The following THSD4 variants were observed in gnomAD, a reference collection of about 807,000 sequenced individuals.
The protein encoded by THSD4 is thrombospondin type-1 domain-containing protein 4.
THSD4 carries 69 observed loss-of-function variants against 119.0 expected under a neutral mutation model. The observed-to-expected ratio is 0.58, with a 90% confidence interval of 0.48 to 0.71. THSD4 has a LOEUF of 0.71. Ranked by LOEUF, THSD4 falls within the 30% of genes least tolerant of loss-of-function variation. THSD4 has a pLI of 0.00. For missense variants in THSD4, 1,393 were observed against 1,391.1 expected (o/e 1.00, Z -0.02); for synonymous variants, 524 against 540.4 (o/e 0.97, Z 0.42).
chr15:71,292,033 T>C (rs953284114), intron 6 of THSD4, among the ~76,000 whole-genome samples: 3 of 152,246 alleles, frequency 2.0e-5, no homozygotes, highest in Non-Finnish European at 2.9e-5. Flanking sequence ...AGCTTCTGCA[T>C]ATCTAAAATG....
At chr15:71,233,368 G>T (rs1490331264) in intron 4 of THSD4, among the ~76,000 whole-genome samples, 2 of 152,140 alleles carry the variant, frequency 1.3e-5, no homozygotes. Context: ...GCCTCACTGG[G>T]TCTACTGCCC....
intron 8 of THSD4, among the ~76,000 whole-genome samples, chr15:71,725,511 T>C (rs553153511): frequency 2.6e-5 from 4 of 152,180 alleles, no homozygotes; most frequent in African/African-American, 9.6e-5. Context: ...TAGAGAAAGA[T>C]GAGACAGAAA....
At chr15:71,249,017 G>C (rs894923129) in intron 5 of THSD4, among the ~76,000 whole-genome samples, 3 of 152,116 alleles carry the variant, frequency 2.0e-5, no homozygotes, top group Non-Finnish European at 4.4e-5. Flanking sequence ...ATATGTGCGA[G>C]TATCAGTGTT....
At chr15:71,384,964 A>G (rs1596387811) in intron 6 of THSD4, among the ~76,000 whole-genome samples, 2 of 152,336 alleles carry the variant, frequency 1.3e-5, no homozygotes, top group South Asian at 4.1e-4. Context: ...TGCAAGAAAA[A>G]GAAATGATGA....
At chr15:71,547,954 C>G (rs2048864566) in intron 7 of THSD4, among the ~76,000 whole-genome samples, 1 of 151,298 alleles carries the variant, frequency 6.6e-6, no homozygotes, top group South Asian at 2.1e-4. Context: ...CTGTGCTTAA[C>G]TTTCTATCAT....
Position 71,567,600 on chromosome 15 carries a change from C to CACA in THSD4, c.1153-92930_1153-92929insACA, listed in dbSNP as rs1555427634. On this transcript the variant is annotated intron_variant, in intron 7 of 17. Coordinates refer to ENST00000261862, the MANE Select transcript of THSD4 (RefSeq NM_024817.3). ...CTCCTGGACAAGAACAAAGACACCC[C>CACA]CCCACACACACACACACACACATGA... Among the ~76,000 whole-genome samples, 445 of 138,124 alleles carry CACA rather than the reference C, an allele frequency of 3.2e-3. 4 individuals carry two copies. The highest frequency in any genetic ancestry group is 0.011 in the African/African-American group (431 of 40,714). 90.6% of individuals were successfully genotyped at this position (138,124 alleles called of 152,430 possible).
intron 4 of THSD4, among the ~76,000 whole-genome samples, chr15:71,217,614 C>A: frequency 6.7e-6 from 1 of 148,718 alleles, no homozygotes. Flanking sequence ...CAGAGAGAGA[C>A]TCCGTCTCAA....
intron 6 of THSD4, among the ~76,000 whole-genome samples, chr15:71,312,425 G>T (rs906171752): frequency 4.6e-5 from 7 of 152,104 alleles, no homozygotes; most frequent in Admixed American, 4.6e-4. Context: ...GTGCTTTTAA[G>T]AAGAGGAGAT....
chr15:71,543,825 C>T lies in THSD4; in HGVS notation c.1153-116705C>T, dbSNP rs369821844. On this transcript the variant is annotated intron_variant, in intron 7 of 17. Coordinates refer to ENST00000261862, the MANE Select transcript of THSD4 (RefSeq NM_024817.3). ...GGTGGATCACCTGAGGTTGGGAGTT[C>T]GAGACCTGCCTGACCAACATGGAGA... 1.2e-4 allele frequency among the ~76,000 whole-genome samples: 18 copies of T among 152,176 alleles called. No homozygotes were observed. In the East Asian group the frequency reaches 1.9e-3, roughly 16 times the overall value.
intron 7 of THSD4, among the ~76,000 whole-genome samples, chr15:71,600,902 A>G (rs2049998296): frequency 6.6e-6 from 1 of 152,032 alleles, no homozygotes. Context: ...ACTCACCACC[A>G]TGCCTGGCTA....
At chr15:71,101,719 A>ATT (rs570225032) in intron 1 of THSD4, among the ~76,000 whole-genome samples, 68 of 144,942 alleles carry the variant, frequency 4.7e-4, no homozygotes, top group Admixed American at 6.2e-4. Flanking sequence ...TTTCTTTTTT[A>ATT]TTTTTTTTTT....
At chr15:71,164,917 C>A in intron 3 of THSD4, 1 of 1,567,898 alleles carries the variant, frequency 6.4e-7, no homozygotes, top group Non-Finnish European at 8.6e-7. Context: ...CTGCATCAGG[C>A]TTTCCTTTAG....
At chr15:71,667,700 A>G (rs375438757) in intron 8 of THSD4, among the ~76,000 whole-genome samples, 3 of 152,234 alleles carry the variant, frequency 2.0e-5, no homozygotes, top group Non-Finnish European at 4.4e-5. Context: ...TTTAAATACT[A>G]TGATGTCTTA....
rs116663696 is a variant in THSD4, at chr15:71,525,367, C to T, written c.1152+113544C>T. Among the ~76,000 whole-genome samples the T allele has an allele frequency of 5.3e-3, 807 of 152,204 alleles. 7 individuals are homozygous for T. The highest frequency in any genetic ancestry group is 0.018 in the African/African-American group (739 of 41,536). ...ACCGACACTCATAACCACTGAACTG[C>T]AGATTTAATTATAGACATGTTGGAT... On this transcript the variant is annotated intron_variant, in intron 7 of 17. Transcript: ENST00000261862.
chr15:71,229,252 A>G (rs957892897), intron 4 of THSD4, among the ~76,000 whole-genome samples: 6 of 152,344 alleles, frequency 3.9e-5, no homozygotes, highest in East Asian at 1.9e-4. Context: ...CTTTGCAGTG[A>G]TGGTTAAATG....
At chr15:71,319,565 A>T (rs1179059552) in intron 6 of THSD4, among the ~76,000 whole-genome samples, 2 of 152,086 alleles carry the variant, frequency 1.3e-5, no homozygotes, top group Non-Finnish European at 2.9e-5. Flanking sequence ...ATGTTGCTAC[A>T]AAGGACATGA....
intron 8 of THSD4, among the ~76,000 whole-genome samples, chr15:71,679,144 C>T (rs1223669944): frequency 6.6e-6 from 1 of 152,172 alleles, no homozygotes; most frequent in East Asian, 1.9e-4. Flanking sequence ...GGCCCCTTCC[C>T]TGAAAGGCAT....
At chr15:71,666,900 C>T (rs1293472604) in intron 8 of THSD4, among the ~76,000 whole-genome samples, 1 of 152,206 alleles carries the variant, frequency 6.6e-6, no homozygotes, top group Non-Finnish European at 1.5e-5. Context: ...CCTTCCCAGC[C>T]ATAACTCCTA....
intron 3 of THSD4, among the ~76,000 whole-genome samples, chr15:71,172,682 CAT>C (rs71152331): frequency 0.03 from 722 of 24,140 alleles, 8 homozygotes; most frequent in East Asian, 0.04. Context: ...TAGACCTATA[CAT>C]ATATATATAT....
Sources: gnomAD v4.1 joint callset for allele counts (sites outside exome capture counted in the v4.1 genomes callset) on GRCh38, gnomAD v4.1.1 for gene constraint, MANE v1.5 for transcripts, NCBI Gene and HGNC (gene_info 2026-07-23, HGNC 2026-07-21) for gene names.